Variants in EMSY observed in about 807,000 individuals in gnomAD.
EMSY encodes the protein EMSY transcriptional repressor, BRCA2 interacting.
EMSY carries 26 observed loss-of-function variants against 134.6 expected under a neutral mutation model. The observed-to-expected ratio is 0.19, with a 90% CI of 0.14 to 0.27. The LOEUF is 0.27. EMSY is among the 10% of genes least tolerant of loss of function. The probability of loss-of-function intolerance (pLI) is 1.00; values close to 1 mark genes in which losing one functional copy is unlikely to be tolerated. For missense variants in EMSY, 1,305 were observed against 1,611.4 expected (o/e 0.81, Z 3.26); for synonymous variants, 579 against 577.8 (o/e 1.00, Z -0.03).
chr11:76,520,358 G>C (rs1950598633), intron 11 of EMSY, among the ~76,000 whole-genome samples: 1 of 152,066 alleles, frequency 6.6e-6, no homozygotes, highest in Non-Finnish European at 1.5e-5. Context: ...TAATTCATTT[G>C]TTAAGCAAGT....
At chr11:76,508,402 A>G (rs1950158650) in intron 9 of EMSY, among the ~76,000 whole-genome samples, 1 of 151,684 alleles carries the variant, frequency 6.6e-6, no homozygotes, top group Non-Finnish European at 1.5e-5. Context: ...TCAGTAAACC[A>G]TGCTGTGAAC....
At chr11:76,481,957 C>T (rs1355370963) in intron 8 of EMSY, among the ~76,000 whole-genome samples, 4 of 152,180 alleles carry the variant, frequency 2.6e-5, no homozygotes, top group Non-Finnish European at 1.5e-5. Context: ...GACTGGGAGA[C>T]ACCTCCCAGT....
At chr11:76,534,635 G>A (rs573357130) in intron 14 of EMSY, among the ~76,000 whole-genome samples, 29 of 152,116 alleles carry the variant, frequency 1.9e-4, no homozygotes, top group Admixed American at 1.1e-3. Flanking sequence ...AGGGTTAAAC[G>A]TTTATTATGT....
intron 6 of EMSY, 180 bp downstream of exon 7, chr11:76,460,265 C>G (rs540981342): frequency 1.8e-5 from 12 of 680,242 alleles, no homozygotes; most frequent in Admixed American, 1.4e-4. Flanking sequence ...CTTTTTTAAT[C>G]AGTTCTGGGG....
chr11:76,494,400 T>C (rs1949546014), intron 8 of EMSY, among the ~76,000 whole-genome samples: 1 of 152,212 alleles, frequency 6.6e-6, no homozygotes, highest in Admixed American at 6.5e-5. Flanking sequence ...ATGAGTGCCA[T>C]ATAAAGTTTA....
At chr11:76,469,175 G>A (rs1948475645) in intron 7 of EMSY, among the ~76,000 whole-genome samples, 1 of 152,144 alleles carries the variant, frequency 6.6e-6, no homozygotes, top group Admixed American at 6.5e-5. Flanking sequence ...AAGCCTACAT[G>A]TATACTCTAA....
At chr11:76,458,124 T>G in intron 4 of EMSY, 59 bp from the exon 6 acceptor site, 1 of 1,466,546 alleles carries the variant, frequency 6.8e-7, no homozygotes. Context: ...TGAGCATATA[T>G]GTTTGATTTG....
intron 9 of EMSY, among the ~76,000 whole-genome samples, chr11:76,507,733 A>G (rs558034977): frequency 3.3e-5 from 5 of 152,334 alleles, no homozygotes; most frequent in Middle Eastern, 6.8e-3. Flanking sequence ...CCATGATTCA[A>G]AAATGTTCTG....
chr11:76,503,120 G>A (rs1401677788), intron 9 of EMSY, among the ~76,000 whole-genome samples: 1 of 151,858 alleles, frequency 6.6e-6, no homozygotes, highest in Non-Finnish European at 1.5e-5. Flanking sequence ...GGCCAACATG[G>A]TGAAACCCTG....
At chr11:76,532,251 T>C (rs1951068777) in intron 14 of EMSY, among the ~76,000 whole-genome samples, 1 of 152,176 alleles carries the variant, frequency 6.6e-6, no homozygotes, top group Non-Finnish European at 1.5e-5. Context: ...CAGTAAAAGT[T>C]TCACCGAATG....
At chr11:76,535,819 A>C in intron 14 of EMSY, 76 bp from the exon 16 acceptor site, 1 of 1,167,590 alleles carries the variant, frequency 8.6e-7, no homozygotes, top group Non-Finnish European at 1.1e-6. Flanking sequence ...AAACAGACAA[A>C]AAAATTGTTT....
intron 11 of EMSY, among the ~76,000 whole-genome samples, chr11:76,522,265 G>A (rs1432114994): frequency 6.8e-6 from 1 of 147,258 alleles, no homozygotes; most frequent in African/African-American, 2.5e-5. Flanking sequence ...ATGCAAATTA[G>A]AGTTTTATCC....
chr11:76,499,859 G>C (rs1353714052), intron 9 of EMSY, among the ~76,000 whole-genome samples: 2 of 152,062 alleles, frequency 1.3e-5, no homozygotes, highest in East Asian at 3.9e-4. Context: ...TTTGAGACCA[G>C]CCTGGGCAAT....
At chr11:76,489,390 G>A (rs771297530) in intron 8 of EMSY, among the ~76,000 whole-genome samples, 29 of 136,870 alleles carry the variant, frequency 2.1e-4, no homozygotes, top group African/African-American at 2.7e-4. Context: ...AGCTATATTT[G>A]TGGCTTTGTA....
At chr11:76,551,268 A>G (rs1951828626) in exon 21 of EMSY, 2 of 152,720 alleles carry the variant, frequency 1.3e-5, no homozygotes, top group African/African-American at 2.4e-5. Context: ...GTGGGAGGGT[A>G]AGAGTTTTGA....
intron 9 of EMSY, among the ~76,000 whole-genome samples, chr11:76,504,782 A>G (rs377324326): frequency 1.4e-4 from 22 of 152,246 alleles, no homozygotes; most frequent in African/African-American, 4.3e-4. Context: ...ATTCATATCA[A>G]TGGACAAACA....
chr11:76,494,209 C>T (rs367993466), intron 8 of EMSY, among the ~76,000 whole-genome samples: 14 of 152,218 alleles, frequency 9.2e-5, no homozygotes, highest in Admixed American at 2.0e-4. Flanking sequence ...AGCCAAGCAC[C>T]GCCTGCAGGG....
chr11:76,489,463 G>A lies in EMSY; in HGVS notation c.1109-6752G>A, dbSNP rs1469422721. Reference sequence around the variant, plus strand: ...ACACTTAGGATTATTGTGTCTTCTTGATGGATTAACCCCCTTTTCATTATG... The same window carrying A: ...ACACTTAGGATTATTGTGTCTTCTTAATGGATTAACCCCCTTTTCATTATG... On this transcript the variant is annotated intron_variant, in intron 8 of 20. Coordinates refer to ENST00000334736, the Ensembl canonical transcript of EMSY. Among the ~76,000 whole-genome samples the A allele has an allele frequency of 2.0e-5, 3 of 151,664 alleles. No individual in the cohort carries two copies. In the East Asian group the frequency reaches 5.8e-4, roughly 29 times the overall value.
At chr11:76,542,753 G>GTTTTTTGTTTTTTTT (rs749234059) in intron 18 of EMSY, among the ~76,000 whole-genome samples, 18 of 109,178 alleles carry the variant, frequency 1.6e-4, no homozygotes, top group African/African-American at 1.9e-4. Flanking sequence ...TTCGTTTTTT[G>GTTTTTTGTTTTTTTT]TTTTTTTTTT....
Sources: allele counts gnomAD v4.1 joint callset (sites outside exome capture counted in the v4.1 genomes callset), GRCh38; gene constraint gnomAD v4.1.1; transcripts MANE v1.5; gene names NCBI Gene and HGNC (gene_info 2026-07-23, HGNC 2026-07-21).